Variants in SYNE2 observed in about 807,000 individuals in gnomAD.
The protein encoded by SYNE2 is nesprin-2.
In SYNE2, 431 loss-of-function variants were observed where a neutral mutation model predicts 856.3. The observed-to-expected ratio is 0.50, with a 90% CI of 0.47 to 0.55. The LOEUF (loss-of-function observed/expected upper bound fraction) is 0.55, where lower values mean the gene tolerates loss of function less well. Among genes scored for constraint, SYNE2 ranks in the 20% least tolerant of loss-of-function variants. The pLI, the probability that SYNE2 is intolerant of heterozygous loss-of-function variation, is 0.00. For missense variants in SYNE2, 8,129 were observed against 8,023.2 expected (o/e 1.01, Z -0.50); for synonymous variants, 2,923 against 2,872.3 (o/e 1.02, Z -0.56).
intron 45 of SYNE2, among the ~76,000 whole-genome samples, chr14:64,038,264 C>T (rs1315072803): frequency 6.0e-5 from 9 of 150,264 alleles, no homozygotes; most frequent in South Asian, 2.1e-4. Context: ...AAGAGGCGCT[C>T]CTCACTTCCT....
intron 51 of SYNE2, among the ~76,000 whole-genome samples, chr14:64,066,275 G>C (rs1190777892): frequency 6.6e-6 from 1 of 152,110 alleles, no homozygotes. Context: ...TGAGACAGGA[G>C]AATCGCTTGA....
At chr14:63,999,302 T>C (rs540941407) in intron 27 of SYNE2, among the ~76,000 whole-genome samples, 2 of 152,326 alleles carry the variant, frequency 1.3e-5, no homozygotes, top group Admixed American at 6.5e-5. Flanking sequence ...GTGGCTTGAA[T>C]AGTTTTTGTT....
chr14:64,064,853 CTTTTT>C (rs34550127), intron 50 of SYNE2, among the ~76,000 whole-genome samples: 4 of 123,696 alleles, frequency 3.2e-5, no homozygotes, highest in African/African-American at 6.1e-5. Context: ...CACTTATAGA[CTTTTT>C]TTTTTTTTTT....
chr14:63,859,741 A>AG (rs1491355199), intron 1 of SYNE2, among the ~76,000 whole-genome samples: 2 of 152,074 alleles, frequency 1.3e-5, no homozygotes, highest in Non-Finnish European at 2.9e-5. Flanking sequence ...GCTTGAACTC[A>AG]GGGGGTGGAG....
intron 1 of SYNE2, among the ~76,000 whole-genome samples, chr14:63,861,645 G>C (rs1260769072): frequency 1.3e-5 from 2 of 151,648 alleles, no homozygotes; most frequent in African/African-American, 4.9e-5. Context: ...AATTAGCTGG[G>C]CTATGGTGGT....
At chr14:63,785,092 T>C (rs1293590360) in intron 1 of SYNE2, among the ~76,000 whole-genome samples, 1 of 152,162 alleles carries the variant, frequency 6.6e-6, no homozygotes, top group African/African-American at 2.4e-5. Flanking sequence ...ATTCCTCAAA[T>C]GTTTTATTTT....
chr14:64,138,639 T>A (rs552932258), intron 79 of SYNE2, among the ~76,000 whole-genome samples: 2 of 152,234 alleles, frequency 1.3e-5, no homozygotes, highest in East Asian at 1.9e-4. Context: ...ATTAAAAAAA[T>A]TAAATGATTT....
At chr14:63,775,133 T>A (rs1258093474) in intron 1 of SYNE2, among the ~76,000 whole-genome samples, 2 of 152,144 alleles carry the variant, frequency 1.3e-5, no homozygotes, top group African/African-American at 2.4e-5. Flanking sequence ...CCCACCACCA[T>A]GCCCAGCTAA....
Position 64,134,075 on chromosome 14 carries a change from G to A in SYNE2, c.14521G>A (p.Glu4841Lys). 6.2e-7 allele frequency: 1 copy of A among 1,614,026 alleles called. No individual in the cohort carries two copies. The highest frequency in any genetic ancestry group is 8.5e-7 in the Non-Finnish European group (1 of 1,179,956). ...MKLQSLLQKWEEFDENYASLE... is the reference protein window; with the variant it reads ...MKLQSLLQKWKEFDENYASLE... ...TATGTCCTTGATTCTCTAGAAATGG[G>A]AAGAATTTGATGAAAACTATGCATC... The change falls in exon 78 of 116, where the codon GAA (glutamate) becomes AAA (lysine). Residue 4841 changes from glutamate to lysine, a missense_variant. By Grantham distance (56) the Glu-to-Lys change is moderately conservative (BLOSUM62 1). Coordinates refer to ENST00000555002, the MANE Select transcript of SYNE2 (RefSeq NM_182914.3).
chr14:63,777,133 A>G (rs1214084243), intron 1 of SYNE2, among the ~76,000 whole-genome samples: 1 of 152,200 alleles, frequency 6.6e-6, no homozygotes, highest in Non-Finnish European at 1.5e-5. Context: ...TTCTTTATCT[A>G]ACAAATGGGG....
intron 97 of SYNE2, 63 bp from the exon 98 acceptor site, chr14:64,188,487 G>A: frequency 4.4e-6 from 7 of 1,591,312 alleles, no homozygotes; most frequent in Non-Finnish European, 6.0e-6. Context: ...TTTTTTTGAG[G>A]GAGAGAAGGG....
chr14:63,832,239 C>T (rs1459028736), intron 1 of SYNE2, among the ~76,000 whole-genome samples: 1 of 151,854 alleles, frequency 6.6e-6, no homozygotes, highest in Non-Finnish European at 1.5e-5. Context: ...TGGTGGCCCA[C>T]ACTTGTAATC....
intron 1 of SYNE2, among the ~76,000 whole-genome samples, chr14:63,771,645 T>C (rs984420410): frequency 3.3e-4 from 50 of 152,204 alleles, no homozygotes; most frequent in African/African-American, 1.2e-3. Context: ...ACGCCTGTAA[T>C]CCCAGTATTT....
At chr14:63,818,199 G>A (rs895581714) in intron 1 of SYNE2, among the ~76,000 whole-genome samples, 10 of 151,950 alleles carry the variant, frequency 6.6e-5, no homozygotes, top group African/African-American at 2.4e-4. Context: ...GCTGGGCATG[G>A]TGGCACATGC....
chr14:64,126,913 A>C, intron 73 of SYNE2, 106 bp downstream of exon 73: 1 of 1,226,594 alleles, frequency 8.2e-7, no homozygotes, highest in South Asian at 1.3e-5. Flanking sequence ...AGAATTGCTA[A>C]GGGAAATGAT....
Position 63,895,011 on chromosome 14 carries a change from G to A in SYNE2, c.-51-14087G>A, listed in dbSNP as rs2095221453. Among the ~76,000 whole-genome samples, 3 of 152,204 alleles carry A rather than the reference G, an allele frequency of 2.0e-5. No homozygotes were observed. In the South Asian group the frequency reaches 6.2e-4, roughly 31 times the overall value. On this transcript the variant is annotated intron_variant, in intron 1 of 115. Transcript: ENST00000555002. ...TCTACAAATTAGGCCTCTTCCTAGA[G>A]CTTACAGCTGGGATCTAGCTGTCTT...
chr14:64,216,659 CTG>C (rs2098668022), intron 108 of SYNE2, among the ~76,000 whole-genome samples: 1 of 152,196 alleles, frequency 6.6e-6, no homozygotes, highest in Admixed American at 6.5e-5. Flanking sequence ...AGTCAGGTGT[CTG>C]TGCAAATAGT....
intron 86 of SYNE2, 126 bp downstream of exon 86, chr14:64,158,921 G>C: frequency 9.6e-7 from 1 of 1,039,380 alleles, no homozygotes; most frequent in Non-Finnish European, 1.5e-6. Context: ...TTAAATAGCA[G>C]TTTCAAAAGA....
chr14:64,018,179 G>A (rs369290218), intron 34 of SYNE2, among the ~76,000 whole-genome samples: 2 of 152,242 alleles, frequency 1.3e-5, no homozygotes, highest in African/African-American at 4.8e-5. Context: ...TAGCAAAAGC[G>A]CCAACAAAAT....
Sources: allele counts gnomAD v4.1 joint callset (sites outside exome capture counted in the v4.1 genomes callset), GRCh38; gene constraint gnomAD v4.1.1; transcripts MANE v1.5; gene names NCBI Gene and HGNC (gene_info 2026-07-23, HGNC 2026-07-21).